Variants in ABCC10 observed in about 807,000 individuals in gnomAD.
ABCC10 encodes ATP-binding cassette sub-family C member 10.
A neutral mutation model predicts 143.2 loss-of-function variants in ABCC10; 110 were observed. That is an observed-to-expected ratio of 0.77 (90% confidence interval 0.66 to 0.90). The LOEUF is 0.90. Ranked by LOEUF, ABCC10 falls within the 40% of genes least tolerant of loss-of-function variation. ABCC10 has a pLI of 0.00. For missense variants in ABCC10, 1,700 were observed against 1,900.5 expected, an observed-to-expected ratio of 0.89 and a Z score of 1.96; for synonymous variants, 805 against 846.7, an observed-to-expected ratio of 0.95 and a Z score of 0.85.
In ABCC10 at chr6:43,443,182, G is replaced by A; in HGVS notation, c.2416+23G>A. 1 of 1,561,146 alleles carries A rather than the reference G, an allele frequency of 6.4e-7. No individual in the cohort carries two copies. The highest frequency in any genetic ancestry group is 2.2e-4 in the Middle Eastern group (1 of 4,466). On this transcript the variant is annotated intron_variant, in intron 10 of 21. Transcript: ENST00000372530. This position sits in a 1 kb window ranked among gnomAD's most constrained non-coding sequence, Gnocchi z 4.2. ...CTGGTAATGGGGGCAGGAGCCCCGT[G>A]TGAGGGAGGTGTCTGCCCAGGTCTG...
rs770762377 is a variant in ABCC10 at position 43,438,819 on chromosome 6, C to G, written c.2127+24C>G. On this transcript the variant is annotated intron_variant, in intron 8 of 21. Transcript: ENST00000372530. The stretch of plus-strand genomic sequence containing the variant: ...GTGTGAGTGCCTGGCCTTGAAACCT[C>G]TTAGCTGCCTGTTTCTCCAGTGTCC... 6 of 1,611,038 alleles carry G rather than the reference C, an allele frequency of 3.7e-6. No individual in the cohort carries two copies. The South Asian group carries it at 6.6e-5, about 18-fold the overall frequency.
chr6:43,451,593 C>G (rs113282218), downstream of ABCC10, among the ~76,000 whole-genome samples: 697 of 152,176 alleles, frequency 4.6e-3, 8 homozygotes, highest in African/African-American at 0.015. The surrounding 1 kb of genome is among the most constrained non-coding windows in gnomAD (Gnocchi z 4.4). Flanking sequence ...AGGCTGTTTC[C>G]TCATCCCTAC....
intron 8 of ABCC10, among the ~76,000 whole-genome samples, chr6:43,439,721 C>T (rs751654199): frequency 2.0e-5 from 3 of 152,068 alleles, no homozygotes; most frequent in East Asian, 3.9e-4. Flanking sequence ...GTAGCTGGGA[C>T]TACAGCTGCG....
chr6:43,449,590 G>A, intron 21 of ABCC10, 56 bp downstream of exon 21: 1 of 1,456,090 alleles, frequency 6.9e-7, no homozygotes, highest in Non-Finnish European at 9.5e-7. Flanking sequence ...TGCACCGAGA[G>A]CCTCCGTTGC....
At position 43,447,813 on chromosome 6, in the gene ABCC10, G is replaced by A. The variant is rs762311029; in HGVS notation, c.3835G>A (p.Val1279Met). The change falls in exon 18 of 22, where the codon GTG becomes ATG. Residue 1279 changes from valine (V) to methionine (M), a missense_variant. Physicochemically the swap from Val to Met is conservative, Grantham distance 21 (BLOSUM62 1). Transcript: ENST00000372530. ...GCAGCCTGGAGAGAAGTTGGGCATC[G>A]TGGGCCGCACAGGCTCCGGCAAGTC... ...CVQPGEKLGI[V>M]GRTGSGKSSL... The A allele has an allele frequency of 6.2e-6, 10 of 1,613,470 alleles. No homozygotes were observed. In the South Asian group the frequency reaches 6.6e-5, roughly 11 times the overall value.
At chr6:43,449,303 C>A in intron 20 of ABCC10, 99 bp downstream of exon 20, 1 of 1,511,376 alleles carries the variant, frequency 6.6e-7, no homozygotes, top group Non-Finnish European at 9.0e-7. Flanking sequence ...GGACCAAGTT[C>A]ATTTTCCTTT....
Position 43,443,035 on chromosome 6 carries a change from G to A in ABCC10, c.2292G>A (p.Leu764=). 1 of 1,612,956 alleles carries A rather than the reference G, an allele frequency of 6.2e-7. No individual in the cohort carries two copies. Among genetic ancestry groups the A allele is most frequent in the Non-Finnish European group, 8.5e-7 (1 of 1,179,802 alleles). ...TGGATGCAGATGTGGCCAACCACCT[G>A]CTGCACAGGTGCATCCTGGGCATGC... ...AAVDADVANH[L]LHRCILGMLS... The change falls in exon 10 of 22, where the codon CTG becomes CTA. Residue 764 remains leucine (L), a synonymous_variant. Coordinates refer to ENST00000372530, the MANE Select transcript of ABCC10 (RefSeq NM_001198934.2). This position sits in a 1 kb window ranked among gnomAD's most constrained non-coding sequence, Gnocchi z 4.2.
chr6:43,449,375 G>A, intron 20 of ABCC10, 47 bp from the exon 21 acceptor site: 1 of 1,557,828 alleles, frequency 6.4e-7, no homozygotes, highest in Non-Finnish European at 8.8e-7. Context: ...AACCCACCCT[G>A]CAGCCTCTCC....
intron 1 of ABCC10, 68 bp from the exon 2 acceptor site, chr6:43,427,900 C>G (rs759433166): frequency 6.4e-7 from 1 of 1,571,750 alleles, no homozygotes; most frequent in Admixed American, 1.7e-5. Context: ...ACAGGGAGAC[C>G]CGGCTGGGAA....
Position 43,432,258 on chromosome 6 carries a change from C to G in ABCC10, c.278C>G (p.Ala93Gly), listed in dbSNP as rs767874598. 2 of 1,614,240 alleles carry G rather than the reference C, an allele frequency of 1.2e-6. No homozygotes were observed. The highest frequency in any genetic ancestry group is 1.6e-4 in the Middle Eastern group (1 of 6,062). ...DLLPVALPPGAGPGPIGLEVL... is the reference protein window; with the variant it reads ...DLLPVALPPGGGPGPIGLEVL... The stretch of plus-strand genomic sequence containing the variant: ...CTTCCAGTTGCTTTGCCACCAGGGG[C>G]AGGCCCAGGACCCATAGGGCTAGAG... The change falls in exon 3 of 22, where the codon GCA (alanine) becomes GGA (glycine). Residue 93 changes from alanine (A) to glycine (G), a missense_variant. Physicochemically the swap from Ala to Gly is moderately conservative, Grantham distance 60. Transcript: ENST00000372530.
At chr6:43,445,101 G>T (rs373868082) in intron 13 of ABCC10, 24 bp from the exon 14 acceptor site, 657 of 1,611,618 alleles carry the variant, frequency 4.1e-4, no homozygotes, top group Non-Finnish European at 4.8e-4. Context: ...TTTGGTTACC[G>T]ACAGCCCCCT....
In ABCC10 at chr6:43,445,654, C is replaced by T. The variant is rs1341455497; in HGVS notation, c.3086C>T (p.Ser1029Phe). The T allele has an allele frequency of 5.0e-6, 8 of 1,614,088 alleles. No homozygotes were observed. Among genetic ancestry groups the T allele is most frequent in the East Asian group, 2.2e-5 (1 of 44,892 alleles). ...TPTGRILNRFSSDVACADDSL... is the reference protein window; with the variant it reads ...TPTGRILNRFFSDVACADDSL... Reference sequence around the variant, plus strand: ...ACGGGCCGGATCCTAAACCGCTTCTCCTCTGATGTGGCCTGTGCGGATGAC... The same window carrying T: ...ACGGGCCGGATCCTAAACCGCTTCTTCTCTGATGTGGCCTGTGCGGATGAC... The change falls in exon 15 of 22, where the codon TCC becomes TTC. Residue 1029 changes from serine to phenylalanine, a missense_variant. Ser to Phe is a radical substitution (Grantham distance 155, BLOSUM62 -2). Coordinates refer to ENST00000372530, the MANE Select transcript of ABCC10 (RefSeq NM_001198934.2).
rs1162639514 is a variant in ABCC10, at chr6:43,449,835, T to G, written c.4317-94T>G. On this transcript the variant is annotated intron_variant, in intron 21 of 21. Coordinates refer to ENST00000372530, the MANE Select transcript of ABCC10 (RefSeq NM_001198934.2). ...GCTAAAGCCTGTGGGGACAGACCTG[T>G]GGTGTCCCGAGGGGAGAGGAGGGAA... 3.6e-6 allele frequency: 5 copies of G among 1,408,184 alleles called. No homozygotes were observed. The African/African-American group carries it at 4.3e-5, about 12-fold the overall frequency. The allele number at this position is 1,408,184 out of a possible 1,614,324, so 87.2% of individuals were successfully genotyped here. A position where few individuals can be genotyped will look rare whatever the true frequency, so the allele number is the denominator to read the frequency against.
intron 15 of ABCC10, 149 bp from the exon 16 acceptor site, chr6:43,446,127 TG>T: frequency 8.9e-7 from 1 of 1,119,508 alleles, no homozygotes; most frequent in Non-Finnish European, 1.3e-6. Flanking sequence ...AAGAGCACAC[TG>T]GCATCTGCAG....
rs753804852 is a variant in ABCC10 at position 43,447,745 on chromosome 6, G to T, written c.3767G>T (p.Arg1256Leu). ...VEFQDVVLAYRPGLPNALDGV... is the reference protein window; with the variant it reads ...VEFQDVVLAYLPGLPNALDGV... ...TTCCAGGACGTGGTGTTGGCGTACCGGCCAGGGCTGCCGAATGCCCTGGAT... is the reference window on the plus strand; with the variant it reads ...TTCCAGGACGTGGTGTTGGCGTACCTGCCAGGGCTGCCGAATGCCCTGGAT... The change falls in exon 18 of 22, where the codon CGG (arginine) becomes CTG (leucine). Residue 1256 changes from arginine (R) to leucine (L), a missense_variant. Coordinates refer to ENST00000372530, the MANE Select transcript of ABCC10 (RefSeq NM_001198934.2). 1 of 1,614,006 alleles carries T rather than the reference G, an allele frequency of 6.2e-7. No individual in the cohort carries two copies. Among genetic ancestry groups the T allele is most frequent in the African/African-American group, 1.3e-5 (1 of 75,040 alleles).
chr6:43,431,384 G>A (rs1274742085), intron 2 of ABCC10, among the ~76,000 whole-genome samples: 4 of 151,786 alleles, frequency 2.6e-5, no homozygotes, highest in African/African-American at 9.7e-5. Context: ...TTCCTGAGAC[G>A]GAGTCTTCCC....
At chr6:43,439,947 T>C (rs1782183655) in intron 8 of ABCC10, among the ~76,000 whole-genome samples, 1 of 151,116 alleles carries the variant, frequency 6.6e-6, no homozygotes, top group South Asian at 2.1e-4. Context: ...GTAAAAGCTT[T>C]TATAGGTTTT....
chr6:43,445,580 A>G lies in ABCC10; in HGVS notation c.3031-19A>G, dbSNP rs759572909. On this transcript the variant is annotated intron_variant, in intron 14 of 21. Transcript: ENST00000372530. The stretch of plus-strand genomic sequence containing the variant: ...TTCTGCCAGACTCTGCCCTGGCCCA[A>G]TCAGCGTCCTTCTCCCAGGCACCAG... 8 of 1,604,310 alleles carry G rather than the reference A, an allele frequency of 5.0e-6. No homozygotes were observed. Among genetic ancestry groups the G allele is most frequent in the South Asian group, 1.1e-5 (1 of 89,878 alleles).
chr6:43,433,265 TTGGCAC>T lies in ABCC10; in HGVS notation c.1288_1293del (p.Ala430_Leu431del). On this transcript the variant is annotated inframe_deletion, in exon 3 of 22. Coordinates refer to ENST00000372530, the MANE Select transcript of ABCC10 (RefSeq NM_001198934.2). The stretch of plus-strand genomic sequence containing the variant: ...CGTGGCCTTCGTGGGTGGTCTCATC[TTGGCAC>T]TGCTGCTGGTACCCGTCAACAAAGT... The T allele has an allele frequency of 1.2e-6, 2 of 1,614,206 alleles. No homozygotes were observed. Among genetic ancestry groups the T allele is most frequent in the Non-Finnish European group, 1.7e-6 (2 of 1,180,008 alleles).
Sources: allele counts gnomAD v4.1 joint callset (sites outside exome capture counted in the v4.1 genomes callset), GRCh38; gene constraint gnomAD v4.1.1; non-coding constraint Gnocchi (gnomAD v3.1); transcripts MANE v1.5; gene names NCBI Gene and HGNC (gene_info 2026-07-23, HGNC 2026-07-21).